ADAMTS12: variants seen among roughly 807,000 people sequenced by gnomAD.
ADAMTS12 encodes A disintegrin and metalloproteinase with thrombospondin motifs 12.
In ADAMTS12, 118 loss-of-function variants were observed where a neutral mutation model predicts 167.8. The ratio of observed to expected loss-of-function variants is 0.70; its 90% CI spans 0.61 to 0.82. The LOEUF (loss-of-function observed/expected upper bound fraction) is 0.82. Among genes scored for constraint, ADAMTS12 ranks in the 40% least tolerant of loss-of-function variants. The probability of loss-of-function intolerance (pLI) is 0.00; values close to 1 mark genes in which losing one functional copy is unlikely to be tolerated. For synonymous variants in ADAMTS12, 704 were observed against 716.9 expected (o/e 0.98, Z 0.29); for missense variants, 1,916 against 1,998.8 (o/e 0.96, Z 0.79).
At chr5:33,728,391 T>G (rs1744062889) in intron 3 of ADAMTS12, among the ~76,000 whole-genome samples, 1 of 152,204 alleles carries the variant, frequency 6.6e-6, no homozygotes, top group South Asian at 2.1e-4. Flanking sequence ...CTGTTGGCTG[T>G]GGGATGAGAC....
At chr5:33,652,317 C>T (rs1441145417) in intron 7 of ADAMTS12, among the ~76,000 whole-genome samples, 1 of 152,042 alleles carries the variant, frequency 6.6e-6, no homozygotes, top group East Asian at 1.9e-4. Flanking sequence ...TTAAATAATA[C>T]TCATTCTGAT....
chr5:33,711,223 C>A (rs2112317240), intron 3 of ADAMTS12, among the ~76,000 whole-genome samples: 2 of 152,224 alleles, frequency 1.3e-5, no homozygotes, highest in Middle Eastern at 6.8e-3. Context: ...TGAATCTCCT[C>A]TCCTCTTCCA....
chr5:33,843,541 G>C (rs778001405), intron 2 of ADAMTS12, among the ~76,000 whole-genome samples: 15 of 152,192 alleles, frequency 9.9e-5, no homozygotes, highest in Non-Finnish European at 5.9e-5. Context: ...CAGGGAGACT[G>C]ATCAAATACT....
At chr5:33,812,263 T>C (rs973908339) in intron 2 of ADAMTS12, among the ~76,000 whole-genome samples, 2 of 152,196 alleles carry the variant, frequency 1.3e-5, no homozygotes, top group Non-Finnish European at 2.9e-5. Context: ...CACTCCAGCC[T>C]GGGTGACAGA....
chr5:33,527,127 C>CTAAA lies in ADAMTS12; in HGVS notation c.*57_*60dup, dbSNP rs1579620223. The CTAAA allele has an allele frequency of 3.8e-6, 6 of 1,593,336 alleles. No individual in the cohort carries two copies. In the East Asian group the frequency reaches 1.3e-4, roughly 36 times the overall value. On this transcript the variant is annotated 3_prime_UTR_variant, in exon 24 of 24. Transcript: ENST00000504830. The stretch of plus-strand genomic sequence containing the variant: ...AACCTCAACGAAGCAGCTCCCAGGG[C>CTAAA]TAAAGCATGTCATGGTCAGCAGGCT...
intron 3 of ADAMTS12, among the ~76,000 whole-genome samples, chr5:33,749,436 A>T: frequency 6.6e-6 from 1 of 151,930 alleles, no homozygotes; most frequent in East Asian, 1.9e-4. Flanking sequence ...AGGAAGCTAC[A>T]TAAGGCATCC....
At chr5:33,796,792 G>A (rs1047192838) in intron 2 of ADAMTS12, among the ~76,000 whole-genome samples, 4 of 152,144 alleles carry the variant, frequency 2.6e-5, no homozygotes, top group East Asian at 1.9e-4. Flanking sequence ...ATGGTGCAAG[G>A]AGCAACTTCA....
intron 2 of ADAMTS12, among the ~76,000 whole-genome samples, chr5:33,878,940 T>A (rs6859977): frequency 1.3e-5 from 2 of 151,966 alleles, no homozygotes; most frequent in African/African-American, 4.8e-5. Context: ...ATCTCCTGGA[T>A]AGCTAATTAA....
chr5:33,740,308 A>G (rs7727913), intron 3 of ADAMTS12, among the ~76,000 whole-genome samples: 7,359 of 152,296 alleles, frequency 0.048, 631 homozygotes, highest in African/African-American at 0.17. Flanking sequence ...ATTAATGTGT[A>G]TCAGATTCAC....
intron 3 of ADAMTS12, among the ~76,000 whole-genome samples, chr5:33,733,136 G>A (rs1446204720): frequency 6.6e-6 from 1 of 151,776 alleles, no homozygotes; most frequent in Non-Finnish European, 1.5e-5. Flanking sequence ...GTGTGATTAT[G>A]AGTGACTTTT....
chr5:33,781,592 T>C (rs1746130195), intron 2 of ADAMTS12, among the ~76,000 whole-genome samples: 1 of 152,160 alleles, frequency 6.6e-6, no homozygotes, highest in Non-Finnish European at 1.5e-5. Context: ...TAATGGAATC[T>C]GCTGAGACAC....
Position 33,641,897 on chromosome 5 carries a change from C to G in ADAMTS12, c.1631G>C (p.Gly544Ala). ...GGACCAGGGTGACCAGCGGCCCCAG[C>G]CTCCAGGAATGCTCTCTGGTTTCTT... ...VGKKPESIPG[G>A]WGRWSPWSHC... The change falls in exon 11 of 24, where the codon GGC becomes GCC. Residue 544 changes from glycine to alanine, a missense_variant. Gly to Ala is a moderately conservative substitution (Grantham distance 60). Transcript: ENST00000504830. 1 of 1,613,816 alleles carries G rather than the reference C, an allele frequency of 6.2e-7. No homozygotes were observed. Among genetic ancestry groups the G allele is most frequent in the Non-Finnish European group, 8.5e-7 (1 of 1,179,802 alleles).
intron 2 of ADAMTS12, among the ~76,000 whole-genome samples, chr5:33,830,510 C>T (rs1050315251): frequency 5.9e-5 from 9 of 152,146 alleles, no homozygotes; most frequent in South Asian, 4.1e-4. Flanking sequence ...CTGTCTTGGC[C>T]GGGCATAGTG....
At chr5:33,670,549 C>T (rs970716904) in intron 5 of ADAMTS12, among the ~76,000 whole-genome samples, 3 of 152,140 alleles carry the variant, frequency 2.0e-5, no homozygotes, top group African/African-American at 7.2e-5. Flanking sequence ...TGAGACCAGC[C>T]TGGCCAACAT....
At position 33,803,837 on chromosome 5, in the gene ADAMTS12, G is replaced by A. The variant is rs531808364; in HGVS notation, c.490-52289C>T. On this transcript the variant is annotated intron_variant, in intron 2 of 23. Transcript: ENST00000504830. ...TATTCATTATCACAAGAACAGCATG[G>A]GAAAAACCTGCTCCCATGATTCAAT... 6.6e-5 allele frequency among the ~76,000 whole-genome samples: 10 copies of A among 152,142 alleles called. No individual in the cohort carries two copies. In the South Asian group the frequency reaches 1.5e-3, roughly 22 times the overall value.
At chr5:33,641,726 ACT>A in intron 11 of ADAMTS12, 82 bp downstream of exon 11, 1 of 1,347,564 alleles carries the variant, frequency 7.4e-7, no homozygotes, top group Non-Finnish European at 9.8e-7. Flanking sequence ...GCTTGGGGTC[ACT>A]GAGGTCATGC....
intron 20 of ADAMTS12, among the ~76,000 whole-genome samples, chr5:33,555,250 A>G (rs1182339560): frequency 6.6e-6 from 1 of 151,776 alleles, no homozygotes; most frequent in Non-Finnish European, 1.5e-5. Context: ...TTTCTCCCAT[A>G]TGATTTTTTT....
intron 3 of ADAMTS12, among the ~76,000 whole-genome samples, chr5:33,749,408 T>G (rs1284843704): frequency 6.6e-6 from 1 of 151,948 alleles, no homozygotes; most frequent in Non-Finnish European, 1.5e-5. Flanking sequence ...CACAACTATC[T>G]CTTTGGTGAA....
At chr5:33,807,858 G>A (rs990050268) in intron 2 of ADAMTS12, among the ~76,000 whole-genome samples, 15 of 152,212 alleles carry the variant, frequency 9.9e-5, no homozygotes, top group African/African-American at 3.1e-4. Context: ...GAAGGAGAGT[G>A]CAGTTATCTG....
Sources: gnomAD v4.1 joint callset for allele counts (sites outside exome capture counted in the v4.1 genomes callset) on GRCh38, gnomAD v4.1.1 for gene constraint, MANE v1.5 for transcripts, NCBI Gene and HGNC (gene_info 2026-07-23, HGNC 2026-07-21) for gene names.